The following AGL variants were observed in gnomAD, a reference collection of about 807,000 sequenced individuals.
AGL encodes glycogen debranching enzyme.
AGL carries 128 observed loss-of-function variants against 199.3 expected under a neutral mutation model. The observed-to-expected ratio is 0.64, with a 90% CI of 0.56 to 0.74. AGL has a LOEUF of 0.74. Among genes scored for constraint, AGL ranks in the 30% least tolerant of loss-of-function variants. AGL has a pLI of 0.00. For synonymous variants in AGL, 584 were observed against 594.7 expected, an observed-to-expected ratio of 0.98 and a Z score of 0.26; for missense variants, 1,809 against 1,820.8, an observed-to-expected ratio of 0.99 and a Z score of 0.12.
chr1:99,880,876 C>T, intron 14 of AGL, 81 bp downstream of exon 14: 1 of 1,475,994 alleles, frequency 6.8e-7, no homozygotes, highest in Non-Finnish European at 9.5e-7. Context: ...CACAATCATA[C>T]CCATATACTT....
At chr1:99,878,817 T>C (rs1474273793) in intron 12 of AGL, among the ~76,000 whole-genome samples, 1 of 152,202 alleles carries the variant, frequency 6.6e-6, no homozygotes, top group Non-Finnish European at 1.5e-5. Context: ...GGTAGAACAT[T>C]GTTTAGTTCC....
At chr1:99,856,916 G>A (rs1025758584) in intron 2 of AGL, among the ~76,000 whole-genome samples, 3 of 152,104 alleles carry the variant, frequency 2.0e-5, no homozygotes, top group Non-Finnish European at 4.4e-5. Context: ...CCACAAAACC[G>A]CCGTCGTCAT....
chr1:99,890,485 T>C (rs1652792223), intron 21 of AGL, among the ~76,000 whole-genome samples: 1 of 152,148 alleles, frequency 6.6e-6, no homozygotes, highest in African/African-American at 2.4e-5. Context: ...TCTCAAAACA[T>C]GCTACATACC....
chr1:99,891,159 A>G, intron 21 of AGL, 61 bp from the exon 22 acceptor site: 1 of 1,604,612 alleles, frequency 6.2e-7, no homozygotes, highest in South Asian at 1.1e-5. Flanking sequence ...TAGGGACTAG[A>G]GGATATAGGA....
At chr1:99,874,954 A>T in intron 8 of AGL, 144 bp downstream of exon 8, 1 of 1,173,842 alleles carries the variant, frequency 8.5e-7, no homozygotes, top group South Asian at 1.4e-5. Flanking sequence ...TCAGCACATG[A>T]CATTTTCCCA....
chr1:99,891,848 C>T, intron 23 of AGL, 109 bp downstream of exon 23: 1 of 1,316,894 alleles, frequency 7.6e-7, no homozygotes. Flanking sequence ...TGTCATAGAA[C>T]TGAAAAGGCT....
At chr1:99,870,983 GTTA>G (rs770553601) in intron 7 of AGL, 114 bp downstream of exon 7, 8 of 704,950 alleles carry the variant, frequency 1.1e-5, no homozygotes, top group East Asian at 2.8e-5. Flanking sequence ...TTATATTTGT[GTTA>G]TTGTTGATAT....
chr1:99,866,105 AC>A (rs1336853259), intron 5 of AGL, among the ~76,000 whole-genome samples: 3 of 152,182 alleles, frequency 2.0e-5, no homozygotes, highest in Admixed American at 6.5e-5. Context: ...CCCATCTCTT[AC>A]AAAATAATGT....
chr1:99,899,651 C>T (rs1340240118), intron 25 of AGL, among the ~76,000 whole-genome samples: 2 of 146,824 alleles, frequency 1.4e-5, no homozygotes, highest in Admixed American at 6.9e-5. Context: ...GACTGAGTCT[C>T]GCTCTGCCAT....
chr1:99,864,059 G>A (rs1250098889), intron 4 of AGL, among the ~76,000 whole-genome samples: 5 of 152,144 alleles, frequency 3.3e-5, no homozygotes, highest in Admixed American at 1.3e-4. Flanking sequence ...GTAGAAACAC[G>A]TGTTGATATA....
chr1:99,913,583 G>A lies in AGL; in HGVS notation c.4006G>A (p.Glu1336Lys), dbSNP rs1289990404. The A allele has an allele frequency of 6.2e-7, 1 of 1,613,918 alleles. No individual in the cohort carries two copies. Among genetic ancestry groups the A allele is most frequent in the East Asian group, 2.2e-5 (1 of 44,868 alleles). Residue 1336 changes from glutamate to lysine, a missense_variant, in exon 30 of 34, where the codon GAA becomes AAA. By Grantham distance (56) the Glu-to-Lys change is moderately conservative. Coordinates refer to ENST00000361915, the MANE Select transcript of AGL (RefSeq NM_000642.3). ...GAACAGAAAAATACAAGACAACTTTGAAAAGCTATTTCATGTTTCCGAAGA... is the reference window on the plus strand; with the variant it reads ...GAACAGAAAAATACAAGACAACTTTAAAAAGCTATTTCATGTTTCCGAAGA... ...EWNRKIQDNF[E>K]KLFHVSEDPS... is the part of the protein sequence containing the mutation.
At chr1:99,908,167 C>T (rs566276353) in intron 27 of AGL, among the ~76,000 whole-genome samples, 1 of 151,692 alleles carries the variant, frequency 6.6e-6, no homozygotes, top group East Asian at 1.9e-4. Flanking sequence ...GGTCTTTGAT[C>T]CATATTGAGT....
In AGL at chr1:99,874,822, G is replaced by GT. The variant is rs758614788; in HGVS notation, c.1082+19dup. 6.8e-6 allele frequency: 11 copies of GT among 1,612,492 alleles called. No homozygotes were observed. Among genetic ancestry groups the GT allele is most frequent in the South Asian group, 1.1e-5 (1 of 91,006 alleles). The stretch of plus-strand genomic sequence containing the variant: ...TTCATACCACATGAGTATGTAATGT[G>GT]TTTTTTTCTGTGAAATAATAATATT... On this transcript the variant is annotated intron_variant, in intron 8 of 33. Transcript: ENST00000361915.
At chr1:99,900,936 A>G in intron 26 of AGL, 75 bp downstream of exon 26, 1 of 1,277,414 alleles carries the variant, frequency 7.8e-7, no homozygotes, top group Admixed American at 1.9e-5. Context: ...TCTAATGTAA[A>G]AATAAGGGTA....
At chr1:99,900,163 C>T (rs1312051918) in intron 25 of AGL, among the ~76,000 whole-genome samples, 1 of 152,094 alleles carries the variant, frequency 6.6e-6, no homozygotes, top group African/African-American at 2.4e-5. Flanking sequence ...CTCCTGACCT[C>T]AGGTGTTCCG....
chr1:99,879,848 T>A (rs1651861514), intron 12 of AGL, 75 bp from the exon 13 acceptor site: 1 of 1,265,370 alleles, frequency 7.9e-7, no homozygotes, highest in Non-Finnish European at 1.2e-6. Context: ...TCCTTTTGTC[T>A]CTTTCCTTCC....
Position 99,888,095 on chromosome 1 carries a change from T to C in AGL, c.2799T>C (p.Tyr933=), listed in dbSNP as rs767529587. The change falls in exon 21 of 34, where the codon TAT becomes TAC. Residue 933 remains tyrosine (Y), a synonymous_variant. Coordinates refer to ENST00000361915, the MANE Select transcript of AGL (RefSeq NM_000642.3). ...YDIPNWSALK[Y]AGLQGLMSVL... ...TACCAAACTGGTCAGCCCTTAAATA[T>C]GCAGGTCTTCAAGGTAAGCAAATGG... The C allele has an allele frequency of 6.2e-7, 1 of 1,613,214 alleles. No homozygotes were observed. The highest frequency in any genetic ancestry group is 2.2e-5 in the East Asian group (1 of 44,794).
chr1:99,882,152 A>G (rs551627987), intron 17 of AGL, among the ~76,000 whole-genome samples: 69 of 36,552 alleles, frequency 1.9e-3, no homozygotes, highest in African/African-American at 3.6e-3. Flanking sequence ...AAAAAAAAAA[A>G]AAAGAAAGAA....
At chr1:99,864,680 GA>G in intron 5 of AGL, 91 bp downstream of exon 5, 1 of 1,215,912 alleles carries the variant, frequency 8.2e-7, no homozygotes, top group African/African-American at 1.5e-5. Context: ...AAGAAAGAAA[GA>G]GAAAGGAAAG....
Sources: gnomAD v4.1 joint callset for allele counts (sites outside exome capture counted in the v4.1 genomes callset) on GRCh38, gnomAD v4.1.1 for gene constraint, MANE v1.5 for transcripts, NCBI Gene and HGNC (gene_info 2026-07-23, HGNC 2026-07-21) for gene names.